WDR49: variants seen among roughly 807,000 people sequenced by gnomAD.
WDR49 encodes WD repeat domain 49, also known as cilia- and flagella-associated protein 337.
In WDR49, 107 loss-of-function variants were observed where a neutral mutation model predicts 119.5. The ratio of observed to expected loss-of-function variants is 0.90; its 90% CI spans 0.77 to 1.05. WDR49 has a LOEUF of 1.05. Ranked by LOEUF, WDR49 falls within the 50% of genes least tolerant of loss-of-function variation. The pLI, the probability that WDR49 is intolerant of heterozygous loss-of-function variation, is 0.00. For missense variants in WDR49, 1,240 were observed against 1,220.5 expected (o/e 1.02, Z -0.24); for synonymous variants, 425 against 418.8 (o/e 1.01, Z -0.18).
chr3:167,605,899 A>T (rs904741930), intron 5 of WDR49, among the ~76,000 whole-genome samples: 2 of 152,220 alleles, frequency 1.3e-5, no homozygotes, highest in East Asian at 3.8e-4. Context: ...GTTTGGTGTC[A>T]TGACATGCAA....
intron 2 of WDR49, among the ~76,000 whole-genome samples, chr3:167,629,706 A>G (rs1559924329): frequency 1.3e-5 from 2 of 152,134 alleles, no homozygotes; most frequent in African/African-American, 2.4e-5. Flanking sequence ...GAGGAAGTCA[A>G]AATGTCAAAA....
At chr3:167,637,944 G>A (rs570802210) in intron 2 of WDR49, among the ~76,000 whole-genome samples, 1 of 151,640 alleles carries the variant, frequency 6.6e-6, no homozygotes, top group South Asian at 2.1e-4. Flanking sequence ...AACAGCAACA[G>A]TTTGACTTCC....
intron 2 of WDR49, among the ~76,000 whole-genome samples, chr3:167,644,505 T>TACATA (rs773048682): frequency 2.0e-5 from 3 of 152,130 alleles, no homozygotes; most frequent in Non-Finnish European, 4.4e-5. Flanking sequence ...TGGGCAATCT[T>TACATA]ACATAAGTCT....
chr3:167,519,013 C>T (rs1436053954), intron 16 of WDR49, among the ~76,000 whole-genome samples: 1 of 151,164 alleles, frequency 6.6e-6, no homozygotes, highest in Non-Finnish European at 1.5e-5. Context: ...AACCAACAAA[C>T]AAATGAAAAA....
chr3:167,578,046 T>C (rs1261044033), intron 7 of WDR49, among the ~76,000 whole-genome samples: 1 of 152,098 alleles, frequency 6.6e-6, no homozygotes, highest in African/African-American at 2.4e-5. Flanking sequence ...CAAAGAAATC[T>C]TCTTCTACCT....
chr3:167,548,774 T>G (rs557886830), intron 10 of WDR49, among the ~76,000 whole-genome samples: 1 of 152,134 alleles, frequency 6.6e-6, no homozygotes, highest in South Asian at 2.1e-4. Context: ...ACATGTGCCA[T>G]GTTGGTGTGC....
At position 167,621,536 on chromosome 3, in the gene WDR49, G is replaced by A. The variant is rs755492430; in HGVS notation, c.714C>T (p.Cys238=). The A allele has an allele frequency of 5.3e-5, 82 of 1,535,432 alleles. No homozygotes were observed. Among genetic ancestry groups the A allele is most frequent in the Non-Finnish European group, 7.0e-6 (8 of 1,146,462 alleles). The part of the protein sequence containing the change: ...KLQGLKGTPI[C]MDYWYDPLDA... ...CAAGAGGATCATACCAATAATCCAT[G>A]CAAATTGGTGTTCCTTTCAGGCCTT... Residue 238 remains cysteine (C), a synonymous_variant, in exon 4 of 19, where the codon TGC becomes TGT. Coordinates refer to ENST00000682715, the MANE Select transcript of WDR49 (RefSeq NM_001366157.1).
intron 7 of WDR49, among the ~76,000 whole-genome samples, chr3:167,597,011 A>C (rs1344681601): frequency 6.6e-6 from 1 of 151,670 alleles, no homozygotes; most frequent in Non-Finnish European, 1.5e-5. Context: ...TTGGCTGCAG[A>C]AATTTACATA....
chr3:167,629,083 C>G (rs186202316), intron 2 of WDR49, among the ~76,000 whole-genome samples: 2 of 152,156 alleles, frequency 1.3e-5, no homozygotes, highest in East Asian at 3.9e-4. Flanking sequence ...TAGTGAGACT[C>G]CATCTCTACA....
At position 167,576,032 on chromosome 3, in the gene WDR49, GA is replaced by G; in HGVS notation, c.1394del (p.Phe465SerfsTer8). 1 of 1,614,128 alleles carries G rather than the reference GA, an allele frequency of 6.2e-7. No homozygotes were observed. Among genetic ancestry groups the G allele is most frequent in the Non-Finnish European group, 8.5e-7 (1 of 1,180,022 alleles). On this transcript the variant is annotated frameshift_variant, in exon 8 of 19. Transcript: ENST00000682715. LOFTEE classifies it high-confidence loss of function. ...FHFDEAHGRL[F>X]ISFNNQLALL... ...ATGCTAGCTGGTTATTAAACGAGAT[GA>G]AAAGTCGTCCATGGGCTTCATCAAA...
At chr3:167,634,898 C>T (rs1717541828) in intron 2 of WDR49, among the ~76,000 whole-genome samples, 1 of 151,764 alleles carries the variant, frequency 6.6e-6, no homozygotes, top group South Asian at 2.1e-4. Context: ...ACAGAAACGA[C>T]CAGTTATTAT....
At chr3:167,518,030 A>G (rs1752287104) in intron 16 of WDR49, among the ~76,000 whole-genome samples, 1 of 152,144 alleles carries the variant, frequency 6.6e-6, no homozygotes, top group Non-Finnish European at 1.5e-5. Flanking sequence ...GATGATTTCC[A>G]GTTTCATCCA....
intron 8 of WDR49, among the ~76,000 whole-genome samples, chr3:167,570,089 A>G (rs1713844950): frequency 6.7e-6 from 1 of 149,058 alleles, no homozygotes; most frequent in African/African-American, 2.5e-5. Context: ...ACATATAACC[A>G]ATTACAGCTT....
At chr3:167,529,413 T>C (rs1017439473) in intron 13 of WDR49, among the ~76,000 whole-genome samples, 174 bp from the exon 14 acceptor site, 3 of 152,126 alleles carry the variant, frequency 2.0e-5, no homozygotes, top group African/African-American at 7.2e-5. Flanking sequence ...GACGCTATGA[T>C]AACCTCACTG....
At chr3:167,511,391 T>C (rs1408597444) in intron 16 of WDR49, among the ~76,000 whole-genome samples, 1 of 152,234 alleles carries the variant, frequency 6.6e-6, no homozygotes, top group African/African-American at 2.4e-5. Context: ...GAAATAACTT[T>C]GCCTCTCACC....
chr3:167,487,687 T>TA (rs1750977903), intron 18 of WDR49, among the ~76,000 whole-genome samples: 1 of 151,536 alleles, frequency 6.6e-6, no homozygotes, highest in South Asian at 2.1e-4. Flanking sequence ...TCAGCAAGCA[T>TA]AAAACAACAC....
chr3:167,591,340 G>A (rs1221556904), intron 7 of WDR49, among the ~76,000 whole-genome samples: 1 of 152,058 alleles, frequency 6.6e-6, no homozygotes, highest in Non-Finnish European at 1.5e-5. Context: ...GTCTATCTCT[G>A]AGAATGATTC....
chr3:167,519,839 C>T (rs1443864421), intron 16 of WDR49, among the ~76,000 whole-genome samples: 1 of 151,956 alleles, frequency 6.6e-6, no homozygotes, highest in Non-Finnish European at 1.5e-5. Context: ...TTTCATAATA[C>T]AAAGTTTCCA....
At chr3:167,568,107 G>A (rs975918071) in intron 8 of WDR49, among the ~76,000 whole-genome samples, 14 of 152,030 alleles carry the variant, frequency 9.2e-5, no homozygotes, top group South Asian at 8.3e-4. Flanking sequence ...CCTTTGTGGC[G>A]TTTTTCTTTT....
Sources: allele counts gnomAD v4.1 joint callset (sites outside exome capture counted in the v4.1 genomes callset), GRCh38; gene constraint gnomAD v4.1.1; transcripts MANE v1.5; gene names NCBI Gene and HGNC (gene_info 2026-07-23, HGNC 2026-07-21).